The following BAZ2B variants were observed in gnomAD, a reference collection of about 807,000 sequenced individuals.
BAZ2B encodes the protein bromodomain adjacent to zinc finger domain 2B.
Under a neutral mutation model 246.0 loss-of-function variants are expected in BAZ2B, and 91 were observed. The ratio of observed to expected loss-of-function variants is 0.37; its 90% CI spans 0.31 to 0.44. The LOEUF is 0.44. Among genes scored for constraint, BAZ2B ranks in the 20% least tolerant of loss-of-function variants. The pLI, the probability that BAZ2B is intolerant of heterozygous loss-of-function variation, is 1.00. For synonymous variants in BAZ2B, 855 were observed against 860.0 expected (o/e 0.99, Z 0.10); for missense variants, 2,332 against 2,533.7 (o/e 0.92, Z 1.71).
At chr2:159,468,825 A>G (rs2077404982) in intron 3 of BAZ2B, among the ~76,000 whole-genome samples, 1 of 152,042 alleles carries the variant, frequency 6.6e-6, no homozygotes, top group African/African-American at 2.4e-5. Context: ...CGGGTGGTTC[A>G]CAAGTTCAGG....
At chr2:159,633,180 A>G in the BAZ2B span, among the ~76,000 whole-genome samples, 1 of 147,526 alleles carries the variant, frequency 6.8e-6, no homozygotes, top group African/African-American at 2.5e-5. Context: ...ACAAGGTCTC[A>G]CTCTCCCAGA....
At chr2:159,404,990 CT>C (rs1377726502) in intron 15 of BAZ2B, 31 bp downstream of exon 15, 1 of 1,612,702 alleles carries the variant, frequency 6.2e-7, no homozygotes, top group Admixed American at 1.7e-5. Flanking sequence ...AGTACTGACT[CT>C]TCGAGTTTAT....
At chr2:159,655,314 G>A in the BAZ2B span, among the ~76,000 whole-genome samples, 2 of 152,070 alleles carry the variant, frequency 1.3e-5, no homozygotes, top group African/African-American at 4.8e-5. Context: ...CTAATTTTGT[G>A]GTATATAGTA....
At chr2:159,640,502 T>C in the BAZ2B span, among the ~76,000 whole-genome samples, 2 of 152,168 alleles carry the variant, frequency 1.3e-5, no homozygotes, top group South Asian at 4.1e-4. Context: ...GTATCAAATA[T>C]ATTCTCTAAC....
chr2:159,412,291 CTTTTTAG>C (rs2066948991), intron 14 of BAZ2B, 37 bp downstream of exon 14: 2 of 1,571,966 alleles, frequency 1.3e-6, no homozygotes, highest in Non-Finnish European at 1.7e-6. Context: ...TTTTAGTATA[CTTTTTAG>C]TATGATTATT....
chr2:159,501,939 T>C (rs1176756304), intron 2 of BAZ2B, among the ~76,000 whole-genome samples: 1 of 152,202 alleles, frequency 6.6e-6, no homozygotes, highest in African/African-American at 2.4e-5. Flanking sequence ...GGCTATCAAC[T>C]GATGAATGAA....
chr2:159,680,900 G>A, the BAZ2B span, among the ~76,000 whole-genome samples: 1 of 152,076 alleles, frequency 6.6e-6, no homozygotes, highest in Non-Finnish European at 1.5e-5. Context: ...ATGCCTGTCA[G>A]GATGAGCAGT....
Position 159,430,857 on chromosome 2 carries a change from A to G in BAZ2B, c.2194+6T>C. The G allele has an allele frequency of 6.2e-7, 1 of 1,607,358 alleles. No homozygotes were observed. On this transcript the variant is annotated splice_donor_region_variant and intron_variant, in intron 10 of 36. Coordinates refer to ENST00000392783, the MANE Select transcript of BAZ2B (RefSeq NM_013450.4). Reference sequence around the variant, plus strand: ...CTTTAGAATAATAAAAATAAAGTGTAGGTACCAGAGTGTGGGCTTGAAGTA... The same window carrying G: ...CTTTAGAATAATAAAAATAAAGTGTGGGTACCAGAGTGTGGGCTTGAAGTA...
chr2:159,653,738 T>C, the BAZ2B span, among the ~76,000 whole-genome samples: 31 of 152,224 alleles, frequency 2.0e-4, 1 homozygote, highest in South Asian at 2.1e-4. Flanking sequence ...GACTTCTATA[T>C]TAGTGTTCCT....
At chr2:159,363,357 T>C (rs546547512) in intron 27 of BAZ2B, among the ~76,000 whole-genome samples, 1 of 152,198 alleles carries the variant, frequency 6.6e-6, no homozygotes, top group East Asian at 1.9e-4. Context: ...TATAAGAAAA[T>C]CCAGGGTTTG....
At chr2:159,606,692 A>T (rs1693574340) in intron 1 of BAZ2B, among the ~76,000 whole-genome samples, 1 of 152,216 alleles carries the variant, frequency 6.6e-6, no homozygotes, top group Non-Finnish European at 1.5e-5. Context: ...TCTTATGACA[A>T]ATCTCTTGCA....
intron 1 of BAZ2B, among the ~76,000 whole-genome samples, chr2:159,560,703 C>T (rs1318505758): frequency 6.6e-6 from 1 of 151,676 alleles, no homozygotes; most frequent in African/African-American, 2.4e-5. Flanking sequence ...AATTTTTGTA[C>T]TTTTAGTAGA....
chr2:159,405,179 C>T, intron 14 of BAZ2B, 65 bp from the exon 15 acceptor site: 1 of 1,362,454 alleles, frequency 7.3e-7, no homozygotes, highest in Non-Finnish European at 1.0e-6. Flanking sequence ...AAAACAATAA[C>T]TGTGTGAAAA....
At chr2:159,437,249 AT>A (rs1482875285) in intron 8 of BAZ2B, 4 of 152,282 alleles carry the variant, frequency 2.6e-5, no homozygotes, top group Admixed American at 2.0e-4. Context: ...AATTATTAGA[AT>A]TTTTTGCTGG....
intron 1 of BAZ2B, among the ~76,000 whole-genome samples, chr2:159,613,572 G>C (rs1695177505): frequency 6.6e-6 from 1 of 151,862 alleles, no homozygotes; most frequent in South Asian, 2.1e-4. Flanking sequence ...AACCATACGA[G>C]TGTCTTAATG....
At chr2:159,521,560 G>A (rs2084136026) in intron 2 of BAZ2B, among the ~76,000 whole-genome samples, 1 of 151,958 alleles carries the variant, frequency 6.6e-6, no homozygotes, top group African/African-American at 2.4e-5. Flanking sequence ...CAAGACCTCA[G>A]TGTCATTTTC....
At chr2:159,331,622 T>C (rs2064806960) in intron 34 of BAZ2B, among the ~76,000 whole-genome samples, 1 of 152,110 alleles carries the variant, frequency 6.6e-6, no homozygotes, top group Non-Finnish European at 1.5e-5. Flanking sequence ...AGTGATCTGC[T>C]CGCCTCGGCC....
intron 2 of BAZ2B, among the ~76,000 whole-genome samples, chr2:159,554,883 C>G (rs1339781935): frequency 6.6e-6 from 1 of 152,006 alleles, no homozygotes; most frequent in Non-Finnish European, 1.5e-5. Context: ...TCCTTACACA[C>G]AACAGAAATT....
intron 31 of BAZ2B, among the ~76,000 whole-genome samples, chr2:159,347,143 C>A (rs973521876): frequency 6.6e-6 from 1 of 152,170 alleles, no homozygotes; most frequent in Non-Finnish European, 1.5e-5. Context: ...TCACATTCAT[C>A]TCAGTGAAAC....
Sources: allele counts gnomAD v4.1 joint callset (sites outside exome capture counted in the v4.1 genomes callset), GRCh38; gene constraint gnomAD v4.1.1; transcripts MANE v1.5; gene names NCBI Gene and HGNC (gene_info 2026-07-23, HGNC 2026-07-21).